The following OR51B5 variants were observed in gnomAD, a reference collection of about 807,000 sequenced individuals.
OR51B5 encodes the protein olfactory receptor family 51 subfamily B member 5.
For missense variants in OR51B5, 456 were observed against 374.6 expected (o/e 1.22, Z -1.79); for synonymous variants, 186 against 144.8 (o/e 1.28, Z -2.04).
chr11:5,364,622 C>A lies in OR51B5; in HGVS notation n.85-17712G>T, dbSNP rs7931688. On this transcript the variant is annotated intron_variant and non_coding_transcript_variant, in intron 1 of 4. Transcript: ENST00000415970. ...GTGAGAGGTATTTATGTGTCTCTCT[C>A]TTCCTCTTCTCACTCCATCCTCATG... Among the ~76,000 whole-genome samples, 596 of 152,072 alleles carry A rather than the reference C, an allele frequency of 3.9e-3. 2 individuals are homozygous for A. The highest frequency in any genetic ancestry group is 0.01 in the African/African-American group (426 of 41,480).
At chr11:5,357,270 G>A (rs1191855999) in intron 1 of OR51B5, among the ~76,000 whole-genome samples, 3 of 152,040 alleles carry the variant, frequency 2.0e-5, no homozygotes, top group East Asian at 1.9e-4. Flanking sequence ...AAAATAAAGG[G>A]ATGGAGGAAG....
Position 5,439,667 on chromosome 11 carries a change from C to T in OR51B5, n.84+65902G>A, listed in dbSNP as rs1372511271. 3.9e-5 allele frequency among the ~76,000 whole-genome samples: 6 copies of T among 152,280 alleles called. No homozygotes were observed. The East Asian group carries it at 9.6e-4, about 24-fold the overall frequency. On this transcript the variant is annotated intron_variant and non_coding_transcript_variant, in intron 1 of 4. Coordinates refer to the OR51B5 transcript ENST00000415970. ...ATCTCTAACAAGTTTCGATGCAAAG[C>T]TGATGATATTGATCTGGAAATCATA... is the stretch of plus-strand genomic sequence containing the variant.
Position 5,428,111 on chromosome 11 carries a change from G to C in OR51B5, n.84+77458C>G, listed in dbSNP as rs547983762. Among the ~76,000 whole-genome samples the C allele has an allele frequency of 1.7e-4, 26 of 151,842 alleles. No individual in the cohort carries two copies. The East Asian group carries it at 2.5e-3, about 15-fold the overall frequency. On this transcript the variant is annotated intron_variant and non_coding_transcript_variant, in intron 1 of 4. Transcript: ENST00000415970. ...GATACAACAATTTACTTTAAACTAA[G>C]TATATTTATAATACTCTATATATAT...
chr11:5,413,884 C>A (rs919565476), intron 1 of OR51B5, among the ~76,000 whole-genome samples: 283 of 151,034 alleles, frequency 1.9e-3, no homozygotes, highest in African/African-American at 6.3e-3. Context: ...GGAGAACTTC[C>A]CCAATCTAGC....
At chr11:5,347,976 A>G (rs959259421), upstream of OR51B5, among the ~76,000 whole-genome samples, 3 of 152,136 alleles carry the variant, frequency 2.0e-5, no homozygotes, top group Non-Finnish European at 4.4e-5. Flanking sequence ...GAAGAATGGA[A>G]GGGAACAAAG....
intron 1 of OR51B5, among the ~76,000 whole-genome samples, chr11:5,445,999 C>G (rs7102535): frequency 0.7 from 106,130 of 151,678 alleles, 38,457 homozygotes; most frequent in Non-Finnish European, 0.8. Flanking sequence ...GCAAACTATC[C>G]CAAGGACAAA....
chr11:5,412,102 C>A (rs1850157037), intron 1 of OR51B5, among the ~76,000 whole-genome samples: 1 of 152,160 alleles, frequency 6.6e-6, no homozygotes, highest in Non-Finnish European at 1.5e-5. Context: ...CAGCACAGAC[C>A]TTTCTCTCCT....
intron 1 of OR51B5, among the ~76,000 whole-genome samples, chr11:5,353,457 A>C (rs1045577812): frequency 6.8e-6 from 1 of 146,864 alleles, no homozygotes; most frequent in Non-Finnish European, 1.5e-5. Flanking sequence ...TTGAAAAACA[A>C]ACAGTTGGTC....
At chr11:5,502,299 A>T (rs867468057) in intron 1 of OR51B5, among the ~76,000 whole-genome samples, 12 of 151,092 alleles carry the variant, frequency 7.9e-5, no homozygotes, top group Middle Eastern at 6.8e-3. Context: ...ACCTTGAAGC[A>T]CTCTCCCTCT....
chr11:5,497,042 TAAAAAAAAAA>T (rs199964356), intron 1 of OR51B5, among the ~76,000 whole-genome samples: 8 of 151,186 alleles, frequency 5.3e-5, no homozygotes, highest in East Asian at 3.9e-4. Context: ...AATCAATGTT[TAAAAAAAAAA>T]AAAAAAAAAA....
chr11:5,360,024 T>C (rs1222666304), intron 1 of OR51B5, among the ~76,000 whole-genome samples: 2 of 152,130 alleles, frequency 1.3e-5, no homozygotes, highest in African/African-American at 2.4e-5. Context: ...AATGTTAGAC[T>C]GAAAACCATA....
At chr11:5,386,467 A>G (rs183692550) in intron 1 of OR51B5, among the ~76,000 whole-genome samples, 10 of 152,360 alleles carry the variant, frequency 6.6e-5, no homozygotes, top group Non-Finnish European at 1.3e-4. Context: ...GTTACATGAA[A>G]TATTCATGAT....
intron 1 of OR51B5, chr11:5,440,542 A>T (rs759933734): frequency 4.7e-5 from 73 of 1,544,840 alleles, no homozygotes; most frequent in Non-Finnish European, 6.5e-5. Flanking sequence ...CCTTCCTCCA[A>T]AGGAGCTTTT....
intron 1 of OR51B5, among the ~76,000 whole-genome samples, chr11:5,366,388 C>T (rs529575842): frequency 6.6e-6 from 1 of 152,066 alleles, no homozygotes; most frequent in Non-Finnish European, 1.5e-5. Flanking sequence ...AGGAGGATCA[C>T]CTGAGGGCAA....
chr11:5,475,949 T>G (rs1329739239), intron 1 of OR51B5, among the ~76,000 whole-genome samples: 11 of 152,224 alleles, frequency 7.2e-5, no homozygotes. Flanking sequence ...AGTACCATCT[T>G]GTAGCATGGA....
chr11:5,422,808 C>G lies in OR51B5; in HGVS notation n.85-75898G>C, dbSNP rs747269570. 8 of 1,614,048 alleles carry G rather than the reference C, an allele frequency of 5.0e-6. 1 individual carries two copies. The African/African-American group carries it at 1.1e-4, about 22-fold the overall frequency. On this transcript the variant is annotated intron_variant and non_coding_transcript_variant, in intron 1 of 4. Transcript: ENST00000415970. ...AGGCTCAACAGCTGGTATGGATTTG[C>G]TCTTGCCTTGCTCATTATTATCGTG... is the stretch of plus-strand genomic sequence containing the variant.
intron 1 of OR51B5, among the ~76,000 whole-genome samples, chr11:5,423,595 G>A (rs1234768387): frequency 6.6e-6 from 1 of 152,120 alleles, no homozygotes; most frequent in East Asian, 1.9e-4. Context: ...ACTCTCACGG[G>A]TGATTGGACT....
intron 1 of OR51B5, among the ~76,000 whole-genome samples, chr11:5,495,218 GTTC>G (rs1851631632): frequency 6.6e-6 from 1 of 152,116 alleles, no homozygotes; most frequent in African/African-American, 2.4e-5. Flanking sequence ...GCTGAAAACA[GTTC>G]TTCAAGTTGA....
At chr11:5,451,660 C>T (rs540173671) in intron 1 of OR51B5, among the ~76,000 whole-genome samples, 4 of 152,306 alleles carry the variant, frequency 2.6e-5, no homozygotes, top group African/African-American at 9.6e-5. Context: ...ATTCCACAAC[C>T]TCTGTTACTT....
Sources: allele counts gnomAD v4.1 joint callset (sites outside exome capture counted in the v4.1 genomes callset), GRCh38; gene constraint gnomAD v4.1.1; transcripts MANE v1.5; gene names NCBI Gene and HGNC (gene_info 2026-07-23, HGNC 2026-07-21).